Variants in NUP98 observed in about 807,000 individuals in gnomAD.
NUP98 encodes the protein nuclear pore complex protein Nup98-Nup96.
In NUP98, 26 loss-of-function variants were observed where a neutral mutation model predicts 191.9. The observed-to-expected ratio is 0.14, with a 90% CI of 0.10 to 0.19. The LOEUF (loss-of-function observed/expected upper bound fraction) is 0.19. Among genes scored for constraint, NUP98 ranks in the 10% least tolerant of loss-of-function variants. NUP98 has a pLI of 1.00. For missense variants in NUP98, 1,941 were observed against 2,178.8 expected (o/e 0.89, Z 2.17); for synonymous variants, 808 against 778.4 (o/e 1.04, Z -0.63).
chr11:3,706,245 A>G (rs1229078735), intron 21 of NUP98, among the ~76,000 whole-genome samples, 200 bp downstream of exon 21: 1 of 152,196 alleles, frequency 6.6e-6, no homozygotes, highest in African/African-American at 2.4e-5. Flanking sequence ...CAGAAACCCT[A>G]TCTACTAGTT....
intron 12 of NUP98, among the ~76,000 whole-genome samples, chr11:3,738,776 C>CAAAAAAAAAAAAAAA (rs58460963): frequency 1.5e-5 from 1 of 67,248 alleles, no homozygotes; most frequent in Admixed American, 2.1e-4. Context: ...AGACTCCTCT[C>CAAAAAAAAAAAAAAA]AAAAAAAAAA....
At chr11:3,719,880 C>T (rs1178627688) in intron 17 of NUP98, among the ~76,000 whole-genome samples, 1 of 151,890 alleles carries the variant, frequency 6.6e-6, no homozygotes, top group Non-Finnish European at 1.5e-5. Flanking sequence ...CCACCTCACC[C>T]TCCCAAGTAG....
intron 16 of NUP98, among the ~76,000 whole-genome samples, chr11:3,722,276 C>T (rs2134224090): frequency 1.3e-5 from 2 of 151,550 alleles, no homozygotes; most frequent in East Asian, 2.0e-4. Flanking sequence ...CCACACCTGG[C>T]TAATTACTTT....
chr11:3,751,898 C>T (rs538261851), intron 11 of NUP98, among the ~76,000 whole-genome samples: 2 of 152,068 alleles, frequency 1.3e-5, no homozygotes, highest in South Asian at 4.2e-4. Flanking sequence ...AGACTGAAGG[C>T]TGGGCGCGGT....
intron 28 of NUP98, among the ~76,000 whole-genome samples, chr11:3,687,464 C>T (rs2078165598): frequency 6.6e-6 from 1 of 152,146 alleles, no homozygotes; most frequent in African/African-American, 2.4e-5. Context: ...TTCTGCCTAA[C>T]CTACAGTTGC....
Position 3,735,300 on chromosome 11 carries a change from G to T in NUP98, c.1433C>A (p.Ala478Asp). Residue 478 changes from alanine to aspartate, a missense_variant, in exon 13 of 33, where the codon GCT becomes GAT. Physicochemically the swap from Ala to Asp is moderately radical, Grantham distance 126. Coordinates refer to ENST00000324932, the MANE Select transcript of NUP98 (RefSeq NM_016320.5). ...CTGCTGGAGAACAGCCTGCTGGGCA[G>T]CAGAAGCATTTGGATCTGTCAAAGC... The part of the protein sequence containing the change: ...PVALTDPNAS[A>D]AQQAVLQQHI... 1 of 1,546,062 alleles carries T rather than the reference G, an allele frequency of 6.5e-7. No individual in the cohort carries two copies. The highest frequency in any genetic ancestry group is 1.3e-5 in the South Asian group (1 of 78,024).
chr11:3,681,713 C>T (rs1581162), intron 30 of NUP98, among the ~76,000 whole-genome samples: 125,094 of 152,072 alleles, frequency 0.82, 51,636 homozygotes, highest in Middle Eastern at 0.92. Context: ...TTTCCGTTTA[C>T]AGAGCACAGG....
chr11:3,760,903 T>C (rs974182040), intron 9 of NUP98, among the ~76,000 whole-genome samples: 8 of 152,158 alleles, frequency 5.3e-5, no homozygotes, highest in Non-Finnish European at 1.0e-4. Context: ...CAGATTTCAG[T>C]GAGGCAAAGA....
chr11:3,789,906 T>G (rs1426951561), intron 1 of NUP98, among the ~76,000 whole-genome samples: 1 of 152,152 alleles, frequency 6.6e-6, no homozygotes, highest in Non-Finnish European at 1.5e-5. Flanking sequence ...TGCCTCAGCC[T>G]CTCGAGAAGA....
chr11:3,770,573 GTA>G (rs1007415664), intron 7 of NUP98, among the ~76,000 whole-genome samples: 17 of 151,650 alleles, frequency 1.1e-4, no homozygotes, highest in South Asian at 2.1e-4. Flanking sequence ...GTGTGTGTGT[GTA>G]TGTACATCTC....
intron 26 of NUP98, 149 bp downstream of exon 26, chr11:3,695,300 C>T (rs889382643): frequency 1.6e-6 from 1 of 628,468 alleles, no homozygotes; most frequent in Non-Finnish European, 2.5e-6. Flanking sequence ...GTGTGCATGC[C>T]TGCCTTTATA....
In NUP98 at chr11:3,691,325, A is replaced by G. The variant is rs770765590; in HGVS notation, c.4454+22T>C. ...GGGCTCATGGAGCACTCAAGTGACA[A>G]TAAAGCCTGGCTCTCATTTACCTGT... On this transcript the variant is annotated intron_variant, in intron 28 of 32. Coordinates refer to ENST00000324932, the MANE Select transcript of NUP98 (RefSeq NM_016320.5). 19 of 1,613,820 alleles carry G rather than the reference A, an allele frequency of 1.2e-5. 1 individual carries two copies. The South Asian group carries it at 2.1e-4, about 18-fold the overall frequency.
In NUP98 at chr11:3,750,046, A is replaced by G. The variant is rs546971359; in HGVS notation, c.1267+3270T>C. ...AATGTTCACTGAGGGTTTTGCCAAC[A>G]TCATCAAATAAATGTCCATCAATAG... On this transcript the variant is annotated intron_variant, in intron 11 of 32. Coordinates refer to ENST00000324932, the MANE Select transcript of NUP98 (RefSeq NM_016320.5). Among the ~76,000 whole-genome samples the G allele has an allele frequency of 9.2e-5, 14 of 152,334 alleles. No homozygotes were observed. In the South Asian group the frequency reaches 2.9e-3, roughly 32 times the overall value.
At chr11:3,699,403 C>A (rs2078610010) in intron 24 of NUP98, 55 bp from the exon 25 acceptor site, 1 of 1,581,278 alleles carries the variant, frequency 6.3e-7, no homozygotes. Context: ...AACAACTTCA[C>A]AGAGGGCATC....
intron 10 of NUP98, among the ~76,000 whole-genome samples, chr11:3,754,407 A>G (rs2080884731): frequency 6.6e-6 from 1 of 152,194 alleles, no homozygotes; most frequent in Non-Finnish European, 1.5e-5. Flanking sequence ...GCATGGATAG[A>G]GTGAGACTCT....
chr11:3,735,734 T>C (rs1177528266), intron 12 of NUP98, among the ~76,000 whole-genome samples: 1 of 149,916 alleles, frequency 6.7e-6, no homozygotes, highest in Non-Finnish European at 1.5e-5. Context: ...AATACGACAG[T>C]ATACAGGGCA....
chr11:3,793,966 T>C (rs2082442386), intron 1 of NUP98, among the ~76,000 whole-genome samples: 1 of 149,826 alleles, frequency 6.7e-6, no homozygotes, highest in East Asian at 1.9e-4. Context: ...CGAAACTCTG[T>C]CTCAAAAAAT....
intron 5 of NUP98, 28 bp from the exon 6 acceptor site, chr11:3,773,767 T>G: frequency 1.4e-6 from 2 of 1,387,438 alleles, no homozygotes; most frequent in Non-Finnish European, 2.0e-6. Flanking sequence ...GGCAAATTTG[T>G]AGGTCCAAGT....
intron 10 of NUP98, among the ~76,000 whole-genome samples, chr11:3,756,636 T>TG (rs1554898518): frequency 4.5e-3 from 1 of 224 alleles, no homozygotes; most frequent in East Asian, 0.033. Flanking sequence ...CTGGCCAGTC[T>TG]ATCTCGAACT....
Sources: gnomAD v4.1 joint callset for allele counts (sites outside exome capture counted in the v4.1 genomes callset) on GRCh38, gnomAD v4.1.1 for gene constraint, MANE v1.5 for transcripts, NCBI Gene and HGNC (gene_info 2026-07-23, HGNC 2026-07-21) for gene names.